DCAF7: variants seen among roughly 807,000 people sequenced by gnomAD.
DCAF7 encodes DDB1 and CUL4 associated factor 7, also known as DDB1- and CUL4-associated factor 7.
A neutral mutation model predicts 41.2 loss-of-function variants in DCAF7; 4 were observed. That is an observed-to-expected ratio of 0.10 (90% CI 0.05 to 0.22). DCAF7 has a LOEUF of 0.22. Ranked by LOEUF, DCAF7 falls within the 10% of genes least tolerant of loss-of-function variation. The probability of loss-of-function intolerance (pLI) is 1.00; values close to 1 mark genes in which losing one functional copy is unlikely to be tolerated. For synonymous variants in DCAF7, 143 were observed against 164.2 expected (o/e 0.87, Z 0.99); for missense variants, 131 against 443.2 (o/e 0.30, Z 6.32).
chr17:63,576,894 A>G (rs1011576048), intron 1 of DCAF7, among the ~76,000 whole-genome samples: 2 of 152,260 alleles, frequency 1.3e-5, no homozygotes, highest in African/African-American at 4.8e-5. Flanking sequence ...AACCAGTGCA[A>G]CAGAGTGAGA....
rs971268353 is a variant in DCAF7, at chr17:63,562,613, G to A, written c.138+11798G>A. 5.3e-5 allele frequency among the ~76,000 whole-genome samples: 8 copies of A among 150,278 alleles called. No individual in the cohort carries two copies. The East Asian group carries it at 1.2e-3, about 22-fold the overall frequency. On this transcript the variant is annotated intron_variant, in intron 1 of 6. Coordinates refer to ENST00000614556, the MANE Select transcript of DCAF7 (RefSeq NM_005828.5). The stretch of plus-strand genomic sequence containing the variant: ...GCAGGTTAGTTACATATGTATACAC[G>A]TGCCATGCTGGTGCGCTGCACCCAC...
chr17:63,566,166 C>T (rs1355648741), intron 1 of DCAF7, among the ~76,000 whole-genome samples: 3 of 151,598 alleles, frequency 2.0e-5, no homozygotes, highest in African/African-American at 7.3e-5. Flanking sequence ...GTCAGGAGAT[C>T]GAGACCATCC....
chr17:63,563,908 C>T (rs1276223492), intron 1 of DCAF7, among the ~76,000 whole-genome samples: 1 of 152,014 alleles, frequency 6.6e-6, no homozygotes, highest in African/African-American at 2.4e-5. Context: ...AATCCCGGTA[C>T]ATAGATTAAA....
intron 4 of DCAF7, among the ~76,000 whole-genome samples, chr17:63,583,115 T>G (rs771733196): frequency 1.3e-5 from 2 of 152,184 alleles, no homozygotes; most frequent in African/African-American, 2.4e-5. Context: ...ATCTAGGCCT[T>G]AATGAGCTCG....
intron 6 of DCAF7, among the ~76,000 whole-genome samples, chr17:63,587,980 C>CAAAAAAAA: frequency 7.8e-6 from 1 of 128,260 alleles, no homozygotes. Flanking sequence ...AATGAGACTC[C>CAAAAAAAA]ATTTAAAAAA....
At chr17:63,578,199 C>CA (rs1319056187) in intron 1 of DCAF7, among the ~76,000 whole-genome samples, 1 of 151,866 alleles carries the variant, frequency 6.6e-6, no homozygotes, top group Non-Finnish European at 1.5e-5. Flanking sequence ...CTTGTCTCTA[C>CA]AAAAAATGAA....
intron 1 of DCAF7, among the ~76,000 whole-genome samples, chr17:63,557,009 CAG>C (rs1186576436): frequency 1.3e-5 from 2 of 152,104 alleles, no homozygotes; most frequent in Admixed American, 1.3e-4. Context: ...GCTGGGGTGA[CAG>C]AGCGAGACCG....
chr17:63,559,286 G>A (rs1034641509), intron 1 of DCAF7, among the ~76,000 whole-genome samples: 7 of 144,802 alleles, frequency 4.8e-5, no homozygotes, highest in East Asian at 2.0e-4. Context: ...ACTCCAGCCC[G>A]GGTGACAGTG....
intron 5 of DCAF7, 34 bp from the exon 6 acceptor site, chr17:63,585,177 A>G (rs1483977978): frequency 6.4e-7 from 1 of 1,561,338 alleles, no homozygotes; most frequent in Non-Finnish European, 8.8e-7. Flanking sequence ...TGAAACTCTG[A>G]TGATCCCAGG....
rs2033235562 is a variant in DCAF7, at chr17:63,550,492, G to C, written c.-186G>C. 1.0e-6 allele frequency: 1 copy of C among 964,076 alleles called. No homozygotes were observed. Among genetic ancestry groups the C allele is most frequent in the Non-Finnish European group, 1.5e-6 (1 of 685,378 alleles). The allele number at this position is 964,076 out of a possible 1,614,324, so 59.7% of individuals were successfully genotyped here. ...GAAGGTGGTTGTCGTCCGTTCCCAA[G>C]CTGGTTTGAAACTAGGGGTCGGGCT... On this transcript the variant is annotated 5_prime_UTR_variant, in exon 1 of 7. Coordinates refer to ENST00000614556, the MANE Select transcript of DCAF7 (RefSeq NM_005828.5). This position sits in a 1 kb window ranked among gnomAD's most constrained non-coding sequence, Gnocchi z 4.8.
At chr17:63,578,032 T>G (rs2033581133) in intron 1 of DCAF7, among the ~76,000 whole-genome samples, 1 of 152,144 alleles carries the variant, frequency 6.6e-6, no homozygotes, top group Non-Finnish European at 1.5e-5. Context: ...ATGGCAATCG[T>G]TTTTGATTCT....
rs759378485 is a variant in DCAF7, at chr17:63,585,335, A to C, written c.856+7A>C. 1 of 1,609,630 alleles carries C rather than the reference A, an allele frequency of 6.2e-7. No individual in the cohort carries two copies. ...TGCCACATCTGCACTGCAGGTAATC[A>C]TGGTGGGGAGAAAGAAATCTGGGAA... On this transcript the variant is annotated splice_region_variant and intron_variant, in intron 6 of 6. Transcript: ENST00000614556.
In DCAF7 at chr17:63,590,070, C is replaced by G. The variant is rs1302257005; in HGVS notation, c.*898C>G. On this transcript the variant is annotated 3_prime_UTR_variant, in exon 7 of 7. Transcript: ENST00000614556. Reference sequence around the variant, plus strand: ...GGAATCGTTTCATGAAGCTGAACTTCAAGCATATTTCCAGTACATTCTTTC... The same window carrying G: ...GGAATCGTTTCATGAAGCTGAACTTGAAGCATATTTCCAGTACATTCTTTC... 2.6e-5 allele frequency: 4 copies of G among 152,674 alleles called. No individual in the cohort carries two copies. Among genetic ancestry groups the G allele is most frequent in the Non-Finnish European group, 5.9e-5 (4 of 68,052 alleles). 9.5% of individuals were successfully genotyped at this position (152,674 alleles called of 1,614,324 possible).
chr17:63,578,849 T>C (rs1471071938), intron 2 of DCAF7, among the ~76,000 whole-genome samples: 1 of 152,156 alleles, frequency 6.6e-6, no homozygotes, highest in Non-Finnish European at 1.5e-5. Context: ...TGCAGTCAGC[T>C]CAGTCAACCC....
At chr17:63,588,790 C>G (rs2033704538) in intron 6 of DCAF7, among the ~76,000 whole-genome samples, 1 of 152,156 alleles carries the variant, frequency 6.6e-6, no homozygotes, top group Admixed American at 6.5e-5. Context: ...AGTTCTGGCT[C>G]TGCCACTCAC....
rs915106763 is a variant in DCAF7, at chr17:63,557,911, T to C, written c.138+7096T>C. 2.0e-5 allele frequency among the ~76,000 whole-genome samples: 3 copies of C among 152,340 alleles called. No individual in the cohort carries two copies. In the South Asian group the frequency reaches 6.2e-4, roughly 32 times the overall value. On this transcript the variant is annotated intron_variant, in intron 1 of 6. Coordinates refer to ENST00000614556, the MANE Select transcript of DCAF7 (RefSeq NM_005828.5). The stretch of plus-strand genomic sequence containing the variant: ...CTTATTTTTCGTGTGTTTTGTTTTG[T>C]TTTGAGACAGTGTCTCACTCTGTTG...
intron 1 of DCAF7, among the ~76,000 whole-genome samples, chr17:63,558,899 GATATA>G (rs2033338444): frequency 6.6e-6 from 1 of 152,126 alleles, no homozygotes; most frequent in East Asian, 1.9e-4. Context: ...ATAATGCAAA[GATATA>G]ATAAATAAGA....
intron 1 of DCAF7, among the ~76,000 whole-genome samples, chr17:63,567,806 C>T (rs1013191268): frequency 2.0e-5 from 3 of 151,140 alleles, no homozygotes; most frequent in Non-Finnish European, 3.0e-5. Flanking sequence ...ACTACAGGCC[C>T]GTGCAACCAC....
At chr17:63,583,036 G>A (rs1022852764) in intron 4 of DCAF7, among the ~76,000 whole-genome samples, 3 of 152,200 alleles carry the variant, frequency 2.0e-5, no homozygotes, top group African/African-American at 7.2e-5. Context: ...TCAGGTCCAG[G>A]TTTCACAGAA....
Sources: allele counts gnomAD v4.1 joint callset (sites outside exome capture counted in the v4.1 genomes callset), GRCh38; gene constraint gnomAD v4.1.1; non-coding constraint Gnocchi (gnomAD v3.1); transcripts MANE v1.5; gene names NCBI Gene and HGNC (gene_info 2026-07-23, HGNC 2026-07-21).